RBFOX1: variants seen among roughly 807,000 people sequenced by gnomAD.
The protein encoded by RBFOX1 is RNA binding protein fox-1 homolog 1.
In RBFOX1, 8 loss-of-function variants were observed where a neutral mutation model predicts 57.7. The observed-to-expected ratio is 0.14, with a 90% CI of 0.08 to 0.25. The LOEUF (loss-of-function observed/expected upper bound fraction) is 0.25, where lower values mean the gene tolerates loss of function less well. Among genes scored for constraint, RBFOX1 ranks in the 10% least tolerant of loss-of-function variants. The pLI, the probability that RBFOX1 is intolerant of heterozygous loss-of-function variation, is 1.00. For missense variants in RBFOX1, 611 were observed against 548.5 expected (o/e 1.11, Z -1.14); for synonymous variants, 326 against 222.4 (o/e 1.47, Z -4.15).
intron 4 of RBFOX1, among the ~76,000 whole-genome samples, chr16:7,375,006 G>T (rs973808073): frequency 1.3e-5 from 2 of 152,224 alleles, no homozygotes; most frequent in African/African-American, 2.4e-5. Flanking sequence ...GAGATGTAGA[G>T]ATATTCTCCG....
chr16:7,511,967 CA>C (rs1440851677), intron 4 of RBFOX1, among the ~76,000 whole-genome samples: 1 of 152,172 alleles, frequency 6.6e-6, no homozygotes, highest in East Asian at 1.9e-4. Flanking sequence ...GTTAAGTTTG[CA>C]AAAGCTCCTG....
intron 2 of RBFOX1, among the ~76,000 whole-genome samples, chr16:6,337,248 T>G (rs1310790167): frequency 2.0e-5 from 3 of 152,146 alleles, no homozygotes; most frequent in African/African-American, 4.8e-5. Flanking sequence ...CCTATGAGGT[T>G]CAATGGTCTC....
chr16:7,145,569 T>C (rs1284451697), intron 4 of RBFOX1, among the ~76,000 whole-genome samples: 3 of 152,246 alleles, frequency 2.0e-5, no homozygotes, highest in Middle Eastern at 3.4e-3. Context: ...GAACCTCATA[T>C]GATGATCTAT....
intron 4 of RBFOX1, among the ~76,000 whole-genome samples, chr16:7,349,119 A>T (rs1013869366): frequency 2.6e-5 from 4 of 152,156 alleles, no homozygotes; most frequent in Admixed American, 2.6e-4. Flanking sequence ...GGTTGCTCCT[A>T]TGGTTCTCAG....
At chr16:5,766,270 G>T (rs1428518590) in intron 3 of RBFOX1, among the ~76,000 whole-genome samples, 1 of 152,150 alleles carries the variant, frequency 6.6e-6, no homozygotes, top group Non-Finnish European at 1.5e-5. Flanking sequence ...AAGAGAGAGA[G>T]GAGGAGGTAT....
At chr16:7,677,823 G>A (rs2073786449) in intron 14 of RBFOX1, among the ~76,000 whole-genome samples, 1 of 152,130 alleles carries the variant, frequency 6.6e-6, no homozygotes, top group South Asian at 2.1e-4. Context: ...GGTCAGACAG[G>A]TAAGCAGGCG....
intron 3 of RBFOX1, among the ~76,000 whole-genome samples, chr16:5,666,220 C>G (rs114746741): frequency 6.6e-6 from 1 of 152,170 alleles, no homozygotes; most frequent in South Asian, 2.1e-4. Flanking sequence ...TCGCAGAGCG[C>G]GGGGCATCTG....
intron 1 of RBFOX1, among the ~76,000 whole-genome samples, chr16:6,315,560 GA>G (rs2081002680): frequency 1.3e-4 from 9 of 71,970 alleles, no homozygotes; most frequent in African/African-American, 3.2e-4. Context: ...TGGATGGATG[GA>G]TGGATGGATG....
At chr16:7,197,916 G>A (rs1042067483) in intron 4 of RBFOX1, among the ~76,000 whole-genome samples, 2 of 151,772 alleles carry the variant, frequency 1.3e-5, no homozygotes, top group African/African-American at 4.8e-5. Context: ...GCAGGAATTG[G>A]GAGTGTAACT....
At chr16:5,552,075 C>T (rs1035835008) in intron 2 of RBFOX1, among the ~76,000 whole-genome samples, 5 of 152,122 alleles carry the variant, frequency 3.3e-5, no homozygotes, top group African/African-American at 4.8e-5. Context: ...AATAATGAAA[C>T]AGACTGTGTC....
rs558029217 is a variant in RBFOX1 at position 6,115,496 on chromosome 16, C to T, written c.-127+95504C>T. 4.4e-4 allele frequency among the ~76,000 whole-genome samples: 67 copies of T among 152,156 alleles called. 1 individual carries two copies. In the South Asian group the frequency reaches 0.013, roughly 31 times the overall value. On this transcript the variant is annotated intron_variant, in intron 1 of 15. Transcript: ENST00000550418. ...AATAGATTTGTGCATATTGGCTGGC[C>T]CAAGGGGTGGGCTATAGTGAGATCT...
At chr16:7,019,472 T>G (rs1187169334) in intron 3 of RBFOX1, among the ~76,000 whole-genome samples, 1 of 152,118 alleles carries the variant, frequency 6.6e-6, no homozygotes, top group Non-Finnish European at 1.5e-5. Context: ...TTTTGTACTT[T>G]TTGTTAAGTT....
intron 14 of RBFOX1, among the ~76,000 whole-genome samples, chr16:7,691,392 A>G (rs545007506): frequency 5.9e-5 from 9 of 151,938 alleles, no homozygotes; most frequent in South Asian, 2.1e-4. Context: ...TGGGGGAGAG[A>G]AAGAATGAAG....
At chr16:5,361,836 G>A (rs1365720222) in intron 1 of RBFOX1, among the ~76,000 whole-genome samples, 1 of 152,224 alleles carries the variant, frequency 6.6e-6, no homozygotes, top group Non-Finnish European at 1.5e-5. Context: ...CATAGAGAAA[G>A]TACTTCTGAG....
At position 6,487,745 on chromosome 16, in the gene RBFOX1, ATATAT is replaced by A. The variant is rs1202945891; in HGVS notation, c.-63-166857_-63-166853del. Among the ~76,000 whole-genome samples the A allele has an allele frequency of 1.3e-3, 93 of 71,436 alleles. 4 individuals are homozygous for A. The highest frequency in any genetic ancestry group is 4.4e-3 in the East Asian group (9 of 2,066). The allele number at this position is 71,436 out of a possible 152,430, so 46.9% of individuals were successfully genotyped here. Reference sequence around the variant, plus strand: ...TATATATATATATATATATATATATATATATATATAAAATATTATGCAGTGATGGG... The same window carrying A: ...TATATATATATATATATATATATATAATATAAAATATTATGCAGTGATGGG... On this transcript the variant is annotated intron_variant, in intron 2 of 15. Transcript: ENST00000550418.
intron 3 of RBFOX1, among the ~76,000 whole-genome samples, chr16:5,827,683 G>A (rs2056113743): frequency 6.6e-6 from 1 of 152,094 alleles, no homozygotes; most frequent in Admixed American, 6.6e-5. Context: ...ATTTTAGATG[G>A]CAACCCCTGC....
At chr16:6,720,779 A>C (rs1219320421) in intron 3 of RBFOX1, among the ~76,000 whole-genome samples, 1 of 152,156 alleles carries the variant, frequency 6.6e-6, no homozygotes, top group Non-Finnish European at 1.5e-5. Flanking sequence ...TATTCTTCAA[A>C]TAGGTGATAA....
At chr16:5,467,224 G>A (rs771177661) in exon 2 of RBFOX1, 3 of 1,485,338 alleles carry the variant, frequency 2.0e-6, no homozygotes, top group Non-Finnish European at 2.7e-6. Flanking sequence ...AGGATCTACT[G>A]TGCCTGCCAT....
At chr16:5,711,850 G>T (rs542467911) in intron 3 of RBFOX1, among the ~76,000 whole-genome samples, 173 of 152,320 alleles carry the variant, frequency 1.1e-3, no homozygotes, top group African/African-American at 4.0e-3. Flanking sequence ...TGATGGTGAT[G>T]ACAAAAATAG....
Sources: allele counts gnomAD v4.1 joint callset (sites outside exome capture counted in the v4.1 genomes callset), GRCh38; gene constraint gnomAD v4.1.1; transcripts MANE v1.5; gene names NCBI Gene and HGNC (gene_info 2026-07-23, HGNC 2026-07-21).